Variants in DAGLB observed in about 807,000 individuals in gnomAD.
DAGLB encodes the protein diacylglycerol lipase-beta.
DAGLB carries 66 observed loss-of-function variants against 72.1 expected under a neutral mutation model. The ratio of observed to expected loss-of-function variants is 0.92; its 90% CI spans 0.75 to 1.12. The LOEUF (loss-of-function observed/expected upper bound fraction) is 1.12, where lower values mean the gene tolerates loss of function less well. Ranked by LOEUF, DAGLB falls within the 50% of genes most tolerant of loss-of-function variation. The pLI is 0.00. For missense variants in DAGLB, 1,065 were observed against 884.9 expected (o/e 1.20, Z -2.58); for synonymous variants, 414 against 359.5 (o/e 1.15, Z -1.71).
rs140418124 is a variant in DAGLB at position 6,443,844 on chromosome 7, T to C, written c.247+2109A>G. 2.6e-3 allele frequency among the ~76,000 whole-genome samples: 403 copies of C among 152,310 alleles called. 3 individuals are homozygous for C. Among genetic ancestry groups the C allele is most frequent in the Middle Eastern group, 0.01 (3 of 294 alleles). ...AATCATTTCTAAGAATGCATTCCTT[T>C]ATTAGTCACCACAGTGCTCACATCA... On this transcript the variant is annotated intron_variant, in intron 2 of 14. Transcript: ENST00000297056.
At chr7:6,447,190 G>C (rs541299159) in intron 1 of DAGLB, among the ~76,000 whole-genome samples, 80 of 152,246 alleles carry the variant, frequency 5.3e-4, no homozygotes, top group African/African-American at 1.9e-3. Context: ...GATCCTCTGG[G>C]AACAGACTTC....
chr7:6,420,190 C>G (rs1784065705), intron 9 of DAGLB, among the ~76,000 whole-genome samples: 1 of 151,846 alleles, frequency 6.6e-6, no homozygotes, highest in Admixed American at 6.6e-5. Flanking sequence ...GCCTGTAATC[C>G]TAGCAATTTG....
intron 2 of DAGLB, among the ~76,000 whole-genome samples, chr7:6,440,880 ATCAG>A (rs1215030070): frequency 2.0e-5 from 3 of 151,892 alleles, no homozygotes; most frequent in African/African-American, 7.3e-5. Flanking sequence ...AAATCAATCC[ATCAG>A]TCAATCAATC....
At chr7:6,412,304 A>G (rs930686643) in intron 13 of DAGLB, among the ~76,000 whole-genome samples, 5 of 152,188 alleles carry the variant, frequency 3.3e-5, no homozygotes, top group African/African-American at 1.2e-4. Context: ...CACAGTGTAG[A>G]TAAATGTGCC....
chr7:6,419,081 CTTTTT>C (rs1199596102), intron 9 of DAGLB, among the ~76,000 whole-genome samples: 2 of 128,180 alleles, frequency 1.6e-5, no homozygotes, highest in Admixed American at 8.0e-5. Context: ...ATGGCACTTC[CTTTTT>C]TTTTTTTTTT....
chr7:6,439,549 C>A lies in DAGLB; in HGVS notation c.248-3016G>T, dbSNP rs111700567. Among the ~76,000 whole-genome samples the A allele has an allele frequency of 4.0e-3, 616 of 152,308 alleles. 4 individuals carry two copies. The highest frequency in any genetic ancestry group is 0.01 in the Middle Eastern group (3 of 294). On this transcript the variant is annotated intron_variant, in intron 2 of 14. Coordinates refer to ENST00000297056, the MANE Select transcript of DAGLB (RefSeq NM_139179.4). ...TAGCCAATGCTGCAATCTTCTCTGA[C>A]CCAGCTTAGCAATGAGCTCTTGGGA...
chr7:6,431,575 C>T (rs1034724167), intron 5 of DAGLB, among the ~76,000 whole-genome samples: 1 of 152,086 alleles, frequency 6.6e-6, no homozygotes, highest in African/African-American at 2.4e-5. Context: ...AGTTTGAGAA[C>T]AGCCTGGCCA....
At chr7:6,442,251 G>C (rs1583303161) in intron 2 of DAGLB, among the ~76,000 whole-genome samples, 1 of 152,108 alleles carries the variant, frequency 6.6e-6, no homozygotes, top group South Asian at 2.1e-4. Context: ...TCTGTTTGGA[G>C]GAGGCTGTGG....
At chr7:6,411,198 G>A (rs764428209) in intron 13 of DAGLB, among the ~76,000 whole-genome samples, 1 of 149,958 alleles carries the variant, frequency 6.7e-6, no homozygotes, top group Non-Finnish European at 1.5e-5. Context: ...TAGTAGAGAC[G>A]GGGTTTCTCC....
Position 6,446,000 on chromosome 7 carries a change from G to A in DAGLB, c.200C>T (p.Ala67Val). 6.2e-7 allele frequency: 1 copy of A among 1,613,732 alleles called. No individual in the cohort carries two copies. The highest frequency in any genetic ancestry group is 1.1e-5 in the South Asian group (1 of 91,044). Reference sequence around the variant, plus strand: ...GGCTGACACAGTACATATGACAACTGCCAGGAGAATCATGAGGACGATCAA... The same window carrying A: ...GGCTGACACAGTACATATGACAACTACCAGGAGAATCATGAGGACGATCAA... ...SYLIVLMILL[A>V]VVICTVSAIM... Residue 67 changes from alanine to valine, a missense_variant, in exon 2 of 15, where the codon GCA becomes GTA. Ala to Val is a moderately conservative substitution (Grantham distance 64). Transcript: ENST00000297056.
intron 2 of DAGLB, among the ~76,000 whole-genome samples, chr7:6,439,276 A>C (rs1784755413): frequency 6.6e-6 from 1 of 151,668 alleles, no homozygotes; most frequent in Non-Finnish European, 1.5e-5. Context: ...AAAAGAAAAA[A>C]AAAAAAAGAA....
chr7:6,445,869 C>T, intron 2 of DAGLB, 84 bp downstream of exon 2: 3 of 1,415,754 alleles, frequency 2.1e-6, no homozygotes, highest in Non-Finnish European at 2.8e-6. Context: ...GGAAAGTTTA[C>T]AGAAGTGAAT....
intron 2 of DAGLB, among the ~76,000 whole-genome samples, chr7:6,436,880 C>G (rs982194659): frequency 3.3e-5 from 5 of 152,034 alleles, no homozygotes; most frequent in Non-Finnish European, 7.4e-5. Flanking sequence ...GGCACGGTGA[C>G]TCACACCTGT....
Position 6,430,483 on chromosome 7 carries a change from T to G in DAGLB, c.926A>C (p.Asp309Ala), listed in dbSNP as rs761929368. 5.8e-6 allele frequency: 9 copies of G among 1,544,512 alleles called. No individual in the cohort carries two copies. The highest frequency in any genetic ancestry group is 7.9e-6 in the Non-Finnish European group (9 of 1,138,488). The change falls in exon 6 of 15, where the codon GAC (aspartate) becomes GCC (alanine). Residue 309 changes from aspartate (D) to alanine (A), a missense_variant. Physicochemically the swap from Asp to Ala is moderately radical, Grantham distance 126. Transcript: ENST00000297056. ...GGCTCAGACTGTGCCAACCCACCAGTCACCACCAATCCTGCACAGCCCCGT... is the reference window on the plus strand; with the variant it reads ...GGCTCAGACTGTGCCAACCCACCAGGCACCACCAATCCTGCACAGCCCCGT... ...PLTGLCRIGG[D>A]CCRSRTTDYD... is the part of the protein sequence containing the mutation.
chr7:6,440,684 G>C (rs912067527), intron 2 of DAGLB, among the ~76,000 whole-genome samples: 5 of 152,114 alleles, frequency 3.3e-5, no homozygotes, highest in Non-Finnish European at 5.9e-5. Flanking sequence ...TTCGAGACCA[G>C]CCTGGCCAAC....
At position 6,446,056 on chromosome 7, in the gene DAGLB, G is replaced by A. The variant is rs758707876; in HGVS notation, c.144C>T (p.Asp48=). ...TLYLMHRGKL[D]CAGGALLSSY... ...TGCTGAGCAAGGCTCCACCAGCACAGTCCAGCTTTCCTCTGTGCATGAGAT... is the reference window on the plus strand; with the variant it reads ...TGCTGAGCAAGGCTCCACCAGCACAATCCAGCTTTCCTCTGTGCATGAGAT... The change falls in exon 2 of 15, where the codon GAC becomes GAT. Residue 48 remains aspartate, a synonymous_variant. Coordinates refer to ENST00000297056, the MANE Select transcript of DAGLB (RefSeq NM_139179.4). 1.2e-6 allele frequency: 2 copies of A among 1,612,382 alleles called. No individual in the cohort carries two copies. Among genetic ancestry groups the A allele is most frequent in the Non-Finnish European group, 1.7e-6 (2 of 1,179,548 alleles).
chr7:6,427,896 TA>T (rs1297237555), intron 6 of DAGLB, among the ~76,000 whole-genome samples: 1 of 152,268 alleles, frequency 6.6e-6, no homozygotes, highest in African/African-American at 2.4e-5. Flanking sequence ...GAGCATCAAA[TA>T]AACACTGTAC....
intron 9 of DAGLB, among the ~76,000 whole-genome samples, chr7:6,419,682 C>A (rs1784044406): frequency 6.6e-6 from 1 of 152,222 alleles, no homozygotes; most frequent in Non-Finnish European, 1.5e-5. Flanking sequence ...AGCCGCGGAT[C>A]CTCAGCTTGT....
At chr7:6,412,042 G>A (rs1783746172) in intron 13 of DAGLB, among the ~76,000 whole-genome samples, 1 of 152,032 alleles carries the variant, frequency 6.6e-6, no homozygotes, top group African/African-American at 2.4e-5. Context: ...AGCCTACCAA[G>A]TAGCTGGGAT....
Sources: allele counts gnomAD v4.1 joint callset (sites outside exome capture counted in the v4.1 genomes callset), GRCh38; gene constraint gnomAD v4.1.1; transcripts MANE v1.5; gene names NCBI Gene and HGNC (gene_info 2026-07-23, HGNC 2026-07-21).